CDH18: variants seen among roughly 807,000 people sequenced by gnomAD.
The protein encoded by CDH18 is cadherin 18, also known as cadherin-18.
CDH18 carries 31 observed loss-of-function variants against 67.9 expected under a neutral mutation model. That is an observed-to-expected ratio of 0.46 (90% CI 0.34 to 0.62). The LOEUF (loss-of-function observed/expected upper bound fraction) is 0.62. Among genes scored for constraint, CDH18 ranks in the 20% least tolerant of loss-of-function variants. CDH18 has a pLI of 0.01. For missense variants in CDH18, 890 were observed against 975.5 expected, an observed-to-expected ratio of 0.91 and a Z score of 1.17; for synonymous variants, 362 against 347.2, an observed-to-expected ratio of 1.04 and a Z score of -0.48.
upstream of CDH18, among the ~76,000 whole-genome samples, chr5:19,991,176 CT>C (rs536519612): frequency 1.4e-3 from 207 of 152,198 alleles, no homozygotes; most frequent in African/African-American, 4.6e-3. Context: ...TAATTTTACC[CT>C]GAAAATTTAG....
intron 1 of CDH18, among the ~76,000 whole-genome samples, chr5:20,334,100 G>A (rs189548465): frequency 2.5e-4 from 36 of 144,232 alleles, no homozygotes; most frequent in Non-Finnish European, 4.2e-4. Flanking sequence ...AGTCATTACT[G>A]TATTTTAAAT....
At chr5:20,216,808 C>A (rs1385212933) in intron 2 of CDH18, among the ~76,000 whole-genome samples, 2 of 151,792 alleles carry the variant, frequency 1.3e-5, no homozygotes, top group African/African-American at 4.8e-5. Flanking sequence ...ACAAATAGTT[C>A]TATCTCAAGA....
intron 1 of CDH18, among the ~76,000 whole-genome samples, chr5:20,266,259 C>G: frequency 9.1e-6 from 1 of 109,428 alleles, no homozygotes; most frequent in East Asian, 2.5e-4. Flanking sequence ...TTTGAAGAAC[C>G]CTGACACTAG....
Position 20,546,750 on chromosome 5 carries a change from G to GACACAC in CDH18, c.-580+28706_-580+28711dup, listed in dbSNP as rs4002054. 7.7e-3 allele frequency among the ~76,000 whole-genome samples: 1,166 copies of GACACAC among 151,064 alleles called. 11 individuals carry two copies. The highest frequency in any genetic ancestry group is 0.027 in the African/African-American group (1,105 of 41,094). On this transcript the variant is annotated intron_variant, in intron 1 of 14. Transcript: ENST00000507958. The stretch of plus-strand genomic sequence containing the variant: ...TCAAACCATATCACATACATACATA[G>GACACAC]ACACACACACACACACACATATGTG...
At chr5:19,477,510 G>T (rs1237712069) in intron 12 of CDH18, among the ~76,000 whole-genome samples, 2 of 151,888 alleles carry the variant, frequency 1.3e-5, no homozygotes, top group Non-Finnish European at 2.9e-5. Flanking sequence ...TTAAAAATTA[G>T]CTTATGGTTA....
intron 8 of CDH18, among the ~76,000 whole-genome samples, chr5:19,562,354 CT>C (rs959408671): frequency 3.3e-5 from 5 of 152,024 alleles, no homozygotes; most frequent in South Asian, 2.1e-4. Context: ...AAATCTCTCT[CT>C]TTTTTTTGCT....
intron 1 of CDH18, among the ~76,000 whole-genome samples, chr5:20,355,394 C>A (rs944429815): frequency 1.3e-5 from 2 of 152,194 alleles, no homozygotes; most frequent in African/African-American, 4.8e-5. Flanking sequence ...CTGGAGGTAG[C>A]ATTTCACATA....
chr5:19,990,924 G>T (rs571476163), upstream of CDH18, among the ~76,000 whole-genome samples: 2 of 152,310 alleles, frequency 1.3e-5, no homozygotes, highest in African/African-American at 4.8e-5. Flanking sequence ...TCAATCACCA[G>T]AATTTATTAC....
intron 1 of CDH18, among the ~76,000 whole-genome samples, chr5:20,438,408 C>A (rs1749346664): frequency 6.6e-6 from 1 of 151,150 alleles, no homozygotes; most frequent in African/African-American, 2.4e-5. Context: ...GAGATTGCTA[C>A]CTAATATTCT....
At chr5:20,527,172 A>T (rs1346223638) in intron 1 of CDH18, among the ~76,000 whole-genome samples, 2 of 132,372 alleles carry the variant, frequency 1.5e-5, no homozygotes, top group African/African-American at 2.5e-5. Flanking sequence ...GAGCTTGAAG[A>T]CCATCTTGCT....
chr5:20,426,418 A>G (rs1748304273), intron 1 of CDH18, among the ~76,000 whole-genome samples: 1 of 151,296 alleles, frequency 6.6e-6, no homozygotes, highest in South Asian at 2.1e-4. Flanking sequence ...GTATTTTATC[A>G]TCCCTTATTT....
chr5:20,158,402 T>G (rs189001245), intron 2 of CDH18, among the ~76,000 whole-genome samples: 1 of 152,334 alleles, frequency 6.6e-6, no homozygotes. Flanking sequence ...AATTGAATGA[T>G]TTTTGGAAAC....
At chr5:19,652,557 C>T (rs1479050662) in intron 5 of CDH18, among the ~76,000 whole-genome samples, 1 of 152,002 alleles carries the variant, frequency 6.6e-6, no homozygotes, top group Non-Finnish European at 1.5e-5. Context: ...AATGTGGATA[C>T]ATCATCCTGA....
At chr5:19,889,490 G>A (rs1788564045) in intron 2 of CDH18, among the ~76,000 whole-genome samples, 1 of 151,728 alleles carries the variant, frequency 6.6e-6, no homozygotes. Flanking sequence ...TTATATTTAG[G>A]GGAGACTCTG....
At chr5:19,719,901 A>AAC (rs1765807951) in intron 5 of CDH18, among the ~76,000 whole-genome samples, 1 of 96,722 alleles carries the variant, frequency 1.0e-5, no homozygotes, top group Non-Finnish European at 2.0e-5. Flanking sequence ...AGAGTTAAGC[A>AAC]AGAGAAAGAA....
chr5:19,888,540 T>C (rs1788465736), intron 2 of CDH18, among the ~76,000 whole-genome samples: 1 of 152,024 alleles, frequency 6.6e-6, no homozygotes, highest in Non-Finnish European at 1.5e-5. Flanking sequence ...TGTAGTAGTT[T>C]AAATTTTAAA....
At chr5:20,486,071 G>A (rs1272453106) in intron 1 of CDH18, among the ~76,000 whole-genome samples, 1 of 152,160 alleles carries the variant, frequency 6.6e-6, no homozygotes, top group Admixed American at 6.5e-5. Flanking sequence ...CTGTACCAGC[G>A]TGGATATAGA....
chr5:19,830,749 T>C (rs928392830), intron 3 of CDH18, among the ~76,000 whole-genome samples: 8 of 152,104 alleles, frequency 5.3e-5, no homozygotes, highest in Admixed American at 3.3e-4. Flanking sequence ...TGTTTGTCAC[T>C]GCACCATTAA....
At chr5:19,947,480 C>G (rs372968735) in intron 2 of CDH18, among the ~76,000 whole-genome samples, 1 of 148,518 alleles carries the variant, frequency 6.7e-6, no homozygotes, top group African/African-American at 2.5e-5. Flanking sequence ...GTGGCTTACA[C>G]CTATAATCTG....
Sources: allele counts gnomAD v4.1 joint callset (sites outside exome capture counted in the v4.1 genomes callset), GRCh38; gene constraint gnomAD v4.1.1; transcripts MANE v1.5; gene names NCBI Gene and HGNC (gene_info 2026-07-23, HGNC 2026-07-21).